The following AKAP13 variants were observed in gnomAD, a reference collection of about 807,000 sequenced individuals.
AKAP13 encodes the protein A-kinase anchoring protein 13, also known as A-kinase anchor protein 13.
A neutral mutation model predicts 264.5 loss-of-function variants in AKAP13; 80 were observed. That is an observed-to-expected ratio of 0.30 (90% CI 0.25 to 0.36). The LOEUF is 0.36. Ranked by LOEUF, AKAP13 falls within the 10% of genes least tolerant of loss-of-function variation. AKAP13 has a pLI of 1.00. For missense variants in AKAP13, 3,712 were observed against 3,435.2 expected (o/e 1.08, Z -2.01); for synonymous variants, 1,380 against 1,250.2 (o/e 1.10, Z -2.19).
chr15:85,661,882 G>C (rs2083363496), intron 12 of AKAP13, among the ~76,000 whole-genome samples: 1 of 145,016 alleles, frequency 6.9e-6, no homozygotes, highest in South Asian at 2.2e-4. Flanking sequence ...GGTTTGGTTG[G>C]ATCCGTAATG....
chr15:85,722,888 C>G (rs2087381036), intron 25 of AKAP13, among the ~76,000 whole-genome samples, 184 bp from the exon 26 acceptor site: 1 of 152,074 alleles, frequency 6.6e-6, no homozygotes. Context: ...AAACTTCTGA[C>G]TTTTTTTAGA....
chr15:85,508,721 A>G (rs1053425106), intron 2 of AKAP13, among the ~76,000 whole-genome samples: 5 of 152,172 alleles, frequency 3.3e-5, no homozygotes, highest in South Asian at 2.1e-4. Context: ...AAAAGAAAAA[A>G]AAATCCATAT....
chr15:85,684,695 C>T, intron 15 of AKAP13, 46 bp from the exon 16 acceptor site: 1 of 1,565,348 alleles, frequency 6.4e-7, no homozygotes, highest in Non-Finnish European at 8.6e-7. Flanking sequence ...TTTTATTTAA[C>T]TTCTGTAGCC....
At chr15:85,401,890 A>G (rs911661459) in intron 1 of AKAP13, among the ~76,000 whole-genome samples, 10 of 152,242 alleles carry the variant, frequency 6.6e-5, no homozygotes, top group African/African-American at 2.4e-4. Flanking sequence ...AGAATGCCAG[A>G]TTAAAAATAG....
At chr15:85,589,257 T>C (rs1314701410) in intron 8 of AKAP13, among the ~76,000 whole-genome samples, 1 of 152,160 alleles carries the variant, frequency 6.6e-6, no homozygotes, top group Non-Finnish European at 1.5e-5. Flanking sequence ...GGACAGATTT[T>C]GTAAATGCTT....
intron 1 of AKAP13, among the ~76,000 whole-genome samples, chr15:85,448,448 A>T (rs7167596): frequency 3.3e-5 from 5 of 151,858 alleles, no homozygotes; most frequent in African/African-American, 7.3e-5. Context: ...CCCGTTCCTA[A>T]GTCCAGGATG....
intron 33 of AKAP13, among the ~76,000 whole-genome samples, chr15:85,738,346 C>A (rs1256064688): frequency 1.3e-5 from 2 of 150,610 alleles, no homozygotes; most frequent in Non-Finnish European, 3.0e-5. Context: ...GGGCCAAGAT[C>A]GCACCACTGC....
At chr15:85,440,824 T>G (rs2073612002) in intron 1 of AKAP13, among the ~76,000 whole-genome samples, 1 of 152,210 alleles carries the variant, frequency 6.6e-6, no homozygotes, top group African/African-American at 2.4e-5. Flanking sequence ...TGATGACCAT[T>G]TAGAAGCCAA....
At chr15:85,687,566 C>T (rs1391282803) in intron 16 of AKAP13, among the ~76,000 whole-genome samples, 2 of 152,142 alleles carry the variant, frequency 1.3e-5, no homozygotes, top group Non-Finnish European at 1.5e-5. Flanking sequence ...CTGTCTTTAG[C>T]AGTGGAAACT....
Position 85,686,644 on chromosome 15 carries a change from A to T in AKAP13, c.5289+1771A>T, listed in dbSNP as rs369918995. 1.2e-4 allele frequency among the ~76,000 whole-genome samples: 18 copies of T among 152,046 alleles called. No homozygotes were observed. In the East Asian group the frequency reaches 1.3e-3, roughly 11 times the overall value. On this transcript the variant is annotated intron_variant, in intron 16 of 36. Transcript: ENST00000394518. ...AATGAAGGTCAAAGAATACTGCTTT[A>T]CCAGTATTCTACGTATTTACATATT...
At chr15:85,450,424 C>T (rs1328521056) in intron 1 of AKAP13, among the ~76,000 whole-genome samples, 2 of 151,832 alleles carry the variant, frequency 1.3e-5, no homozygotes, top group South Asian at 2.1e-4. Flanking sequence ...TTGATTTGTT[C>T]TTCTCTAATT....
chr15:85,569,911 A>G (rs925974659), intron 5 of AKAP13, among the ~76,000 whole-genome samples: 1 of 151,754 alleles, frequency 6.6e-6, no homozygotes, highest in African/African-American at 2.4e-5. Flanking sequence ...CCCCGTTGCT[A>G]CTAAAAATAC....
chr15:85,645,936 C>G lies in AKAP13; in HGVS notation c.4356C>G (p.Asp1452Glu). The change falls in exon 10 of 37, where the codon GAC becomes GAG. Residue 1452 changes from aspartate to glutamate, a missense_variant. Asp to Glu is a conservative substitution (Grantham distance 45, BLOSUM62 2). Around this residue, in one of 3 missense-constraint regions of AKAP13, gnomAD observed 2,759 missense variants for 2,411.7 expected, o/e 1.14. Coordinates refer to ENST00000394518, the MANE Select transcript of AKAP13 (RefSeq NM_007200.5). ...DLFHSPSDDM[D>E]SIIFPKPEEE... ...TTCACTCACCCAGTGATGACATGGA[C>G]AGCATCATCTTCCCAAAGGTACTGT... 1.2e-6 allele frequency: 2 copies of G among 1,613,320 alleles called. No individual in the cohort carries two copies. The highest frequency in any genetic ancestry group is 1.7e-6 in the Non-Finnish European group (2 of 1,179,794).
intron 1 of AKAP13, among the ~76,000 whole-genome samples, chr15:85,481,528 T>C (rs1367208971): frequency 2.0e-5 from 3 of 152,220 alleles, no homozygotes; most frequent in Non-Finnish European, 2.9e-5. Context: ...AGCAGAAAAC[T>C]ATTAAATTTG....
chr15:85,692,786 T>C (rs1489011624), intron 16 of AKAP13, among the ~76,000 whole-genome samples: 1 of 152,200 alleles, frequency 6.6e-6, no homozygotes, highest in Non-Finnish European at 1.5e-5. Flanking sequence ...GGATATGCAA[T>C]TGATGTGAGA....
chr15:85,730,754 G>A, intron 30 of AKAP13, 47 bp downstream of exon 30: 1 of 1,517,396 alleles, frequency 6.6e-7, no homozygotes. Context: ...TCCCAGAGTG[G>A]TTTACACACT....
At chr15:85,430,639 G>A (rs1034157621) in intron 1 of AKAP13, among the ~76,000 whole-genome samples, 1 of 152,076 alleles carries the variant, frequency 6.6e-6, no homozygotes, top group Non-Finnish European at 1.5e-5. Flanking sequence ...TCTTGGTAGC[G>A]TTTCTGCCTT....
At chr15:85,738,152 C>A (rs2088678578) in intron 33 of AKAP13, among the ~76,000 whole-genome samples, 1 of 151,804 alleles carries the variant, frequency 6.6e-6, no homozygotes, top group South Asian at 2.1e-4. Context: ...AATCCCAACA[C>A]TTTGGGAGGC....
rs1040274206 is a variant in AKAP13, at chr15:85,575,314, C to G, written c.846C>G (p.Ile282Met). The G allele has an allele frequency of 6.2e-7, 1 of 1,614,118 alleles. No homozygotes were observed. Residue 282 changes from isoleucine to methionine, a missense_variant, in exon 6 of 37, where the codon ATC becomes ATG. Physicochemically the swap from Ile to Met is conservative, Grantham distance 10. Around this residue, in one of 3 missense-constraint regions of AKAP13, gnomAD observed 2,759 missense variants for 2,411.7 expected, o/e 1.14. Transcript: ENST00000394518. ...CTGPIFKLMN[I>M]QQQLMKTNLK... ...GACCAATTTTTAAACTTATGAACAT[C>G]CAACAGCAACTAATGGTAAGTCAGA...
Sources: gnomAD v4.1 joint callset for allele counts (sites outside exome capture counted in the v4.1 genomes callset) on GRCh38, gnomAD v4.1.1 for gene constraint, gnomAD v4.1.1 regional missense constraint, MANE v1.5 for transcripts, NCBI Gene and HGNC (gene_info 2026-07-23, HGNC 2026-07-21) for gene names.